Variants in SH3RF3 observed in about 807,000 individuals in gnomAD.
The protein encoded by SH3RF3 is E3 ubiquitin-protein ligase SH3RF3.
A neutral mutation model predicts 66.3 loss-of-function variants in SH3RF3; 29 were observed. That is an observed-to-expected ratio of 0.44 (90% confidence interval 0.33 to 0.60). The LOEUF (loss-of-function observed/expected upper bound fraction) is 0.60, where lower values mean the gene tolerates loss of function less well. SH3RF3 is among the 20% of genes least tolerant of loss of function. SH3RF3 has a pLI of 0.04. For synonymous variants in SH3RF3, 583 were observed against 532.0 expected (o/e 1.10, Z -1.32); for missense variants, 1,194 against 1,190.9 (o/e 1.00, Z -0.04).
At chr2:109,202,047 G>T (rs6755192) in intron 1 of SH3RF3, among the ~76,000 whole-genome samples, 115,168 of 151,522 alleles carry the variant, frequency 0.76, 44,034 homozygotes, top group Middle Eastern at 0.82. Flanking sequence ...TTGGAGCCTG[G>T]CTGGGTCTCG....
chr2:109,224,350 G>T (rs192823062), intron 1 of SH3RF3, among the ~76,000 whole-genome samples: 55 of 152,296 alleles, frequency 3.6e-4, no homozygotes, highest in African/African-American at 1.3e-3. Flanking sequence ...TTTCAGATAC[G>T]CATGTGGGAT....
At chr2:109,299,359 T>G (rs1681400981) in intron 1 of SH3RF3, among the ~76,000 whole-genome samples, 1 of 152,226 alleles carries the variant, frequency 6.6e-6, no homozygotes, top group African/African-American at 2.4e-5. Flanking sequence ...GTTACTGCTG[T>G]GACCACATAT....
At chr2:109,365,913 C>T (rs376547297) in intron 2 of SH3RF3, among the ~76,000 whole-genome samples, 3 of 152,040 alleles carry the variant, frequency 2.0e-5, no homozygotes, top group East Asian at 1.9e-4. Flanking sequence ...GGTTTTTCAA[C>T]ATTTAAAAAA....
In SH3RF3 at chr2:109,271,626, G is replaced by A. The variant is rs528938380; in HGVS notation, c.574-76048G>A. Among the ~76,000 whole-genome samples, 15 of 152,340 alleles carry A rather than the reference G, an allele frequency of 9.8e-5. No homozygotes were observed. In the East Asian group the frequency reaches 1.4e-3, roughly 14 times the overall value. On this transcript the variant is annotated intron_variant, in intron 1 of 9. Coordinates refer to ENST00000309415, the MANE Select transcript of SH3RF3 (RefSeq NM_001099289.3). Reference sequence around the variant, plus strand: ...GGGACCAACAATGGGGTGAGGCCCCGTGTGGTTCCCAGGATGCCAGAAGCC... The same window carrying A: ...GGGACCAACAATGGGGTGAGGCCCCATGTGGTTCCCAGGATGCCAGAAGCC...
In SH3RF3 at chr2:109,437,129, G is replaced by C; in HGVS notation, c.1811G>C (p.Arg604Pro). The change falls in exon 7 of 10, where the codon CGG becomes CCG. Residue 604 changes from arginine to proline, a missense_variant. By Grantham distance (103) the Arg-to-Pro change is moderately radical. Coordinates refer to ENST00000309415, the MANE Select transcript of SH3RF3 (RefSeq NM_001099289.3). The part of the protein sequence containing the change: ...HSAQPTASQA[R>P]STISTAAHSA... ...GCCCAGCCAACGGCCAGCCAAGCCC[G>C]GAGCACCATTTCAACAGGTACCTTC... The C allele has an allele frequency of 6.2e-7, 1 of 1,611,520 alleles. No individual in the cohort carries two copies. Among genetic ancestry groups the C allele is most frequent in the Non-Finnish European group, 8.5e-7 (1 of 1,178,510 alleles).
At chr2:109,251,483 T>G (rs2105260879) in intron 1 of SH3RF3, 2 of 739,830 alleles carry the variant, frequency 2.7e-6, no homozygotes, top group East Asian at 5.2e-5. Flanking sequence ...TCATTGAAAT[T>G]AAATGGTGGC....
intron 5 of SH3RF3, among the ~76,000 whole-genome samples, chr2:109,421,337 A>G (rs1308253459): frequency 6.6e-6 from 1 of 152,236 alleles, no homozygotes; most frequent in Non-Finnish European, 1.5e-5. Context: ...ACAGGCTCTC[A>G]GTAGCTGCCA....
At chr2:109,499,345 G>A (rs1359210943) in intron 9 of SH3RF3, among the ~76,000 whole-genome samples, 1 of 152,206 alleles carries the variant, frequency 6.6e-6, no homozygotes, top group African/African-American at 2.4e-5. Context: ...GTCAGCCAGG[G>A]GTTTTTAGGC....
chr2:109,187,361 CT>C (rs5833319), intron 1 of SH3RF3, among the ~76,000 whole-genome samples: 17 of 150,430 alleles, frequency 1.1e-4, no homozygotes, highest in African/African-American at 3.7e-4. Context: ...CAACCACAGA[CT>C]TTTTTTTTTT....
intron 1 of SH3RF3, among the ~76,000 whole-genome samples, chr2:109,202,173 AG>A (rs1001360992): frequency 6.6e-6 from 1 of 152,182 alleles, no homozygotes. Flanking sequence ...AACACGGGGA[AG>A]AAAACAACCC....
chr2:109,460,580 A>G (rs1186135939), intron 8 of SH3RF3, among the ~76,000 whole-genome samples: 1 of 152,192 alleles, frequency 6.6e-6, no homozygotes, highest in Non-Finnish European at 1.5e-5. Flanking sequence ...TGCTCCACAG[A>G]ATCCCATCTG....
At position 109,371,685 on chromosome 2, in the gene SH3RF3, A is replaced by G; in HGVS notation, c.945+4A>G. 1 of 1,612,940 alleles carries G rather than the reference A, an allele frequency of 6.2e-7. No homozygotes were observed. The highest frequency in any genetic ancestry group is 1.7e-5 in the Admixed American group (1 of 59,922). On this transcript the variant is annotated splice_donor_region_variant and intron_variant, in intron 3 of 9. Transcript: ENST00000309415. ...CTTCCCGCTCCTGTACGTGGAGGTA[A>G]GACCGTGCCGCCCTCCCACACTTGG...
chr2:109,424,760 C>G (rs1166012788), intron 5 of SH3RF3, among the ~76,000 whole-genome samples: 2 of 152,150 alleles, frequency 1.3e-5, no homozygotes, highest in African/African-American at 4.8e-5. Flanking sequence ...CCCACCGTTT[C>G]CCCCATCTCT....
intron 1 of SH3RF3, among the ~76,000 whole-genome samples, chr2:109,269,750 G>T (rs1467505459): frequency 3.3e-5 from 5 of 152,242 alleles, no homozygotes; most frequent in Admixed American, 1.3e-4. Context: ...CTGCACTCCA[G>T]CCTGGGTGAC....
At chr2:109,285,154 T>C (rs1681003445) in intron 1 of SH3RF3, among the ~76,000 whole-genome samples, 1 of 152,224 alleles carries the variant, frequency 6.6e-6, no homozygotes, top group Non-Finnish European at 1.5e-5. Context: ...TGAGGCTTTC[T>C]ATGGAAGCTG....
chr2:109,486,580 G>A (rs889995200), intron 8 of SH3RF3, among the ~76,000 whole-genome samples: 6 of 152,192 alleles, frequency 3.9e-5, no homozygotes, highest in African/African-American at 1.2e-4. Context: ...CGCTCCTATA[G>A]CTGTCATCTC....
At chr2:109,247,715 TG>T (rs1284071235) in intron 1 of SH3RF3, among the ~76,000 whole-genome samples, 5 of 152,340 alleles carry the variant, frequency 3.3e-5, no homozygotes, top group African/African-American at 1.2e-4. Flanking sequence ...TGTTTTTCCC[TG>T]TATCAGTTAG....
At chr2:109,474,969 T>TG (rs988479535) in intron 8 of SH3RF3, among the ~76,000 whole-genome samples, 2 of 151,930 alleles carry the variant, frequency 1.3e-5, no homozygotes, top group African/African-American at 4.8e-5. Context: ...TTTGGGTTTT[T>TG]TTTGTTTGTT....
intron 1 of SH3RF3, among the ~76,000 whole-genome samples, chr2:109,304,565 G>T (rs545418198): frequency 1.6e-4 from 24 of 152,286 alleles, no homozygotes; most frequent in Admixed American, 1.4e-3. Context: ...GGTTAACTCC[G>T]CTGCACCCGT....
Sources: allele counts gnomAD v4.1 joint callset (sites outside exome capture counted in the v4.1 genomes callset), GRCh38; gene constraint gnomAD v4.1.1; transcripts MANE v1.5; gene names NCBI Gene and HGNC (gene_info 2026-07-23, HGNC 2026-07-21).